The following SNTB1 variants were observed in gnomAD, a reference collection of about 807,000 sequenced individuals.
The protein encoded by SNTB1 is beta-1-syntrophin.
In SNTB1, 36 loss-of-function variants were observed where a neutral mutation model predicts 48.9. The observed-to-expected ratio is 0.74, with a 90% CI of 0.56 to 0.97. SNTB1 has a LOEUF of 0.97. Ranked by LOEUF, SNTB1 falls within the 50% of genes least tolerant of loss-of-function variation. The probability of loss-of-function intolerance (pLI) is 0.00; values close to 1 mark genes in which losing one functional copy is unlikely to be tolerated. For missense variants in SNTB1, 786 were observed against 703.4 expected, an observed-to-expected ratio of 1.12 and a Z score of -1.33; for synonymous variants, 299 against 294.6, an observed-to-expected ratio of 1.01 and a Z score of -0.15.
chr8:120,561,228 G>A (rs1000758998), intron 4 of SNTB1, among the ~76,000 whole-genome samples: 1 of 148,494 alleles, frequency 6.7e-6, no homozygotes, highest in African/African-American at 2.5e-5. Context: ...TTAGGAGGCT[G>A]AGGATCGCTT....
At chr8:120,642,087 A>C (rs1216717354) in intron 2 of SNTB1, among the ~76,000 whole-genome samples, 1 of 152,214 alleles carries the variant, frequency 6.6e-6, no homozygotes, top group African/African-American at 2.4e-5. Flanking sequence ...ATCATCCTCC[A>C]GGAAAATCTG....
At chr8:120,576,533 T>G (rs1815953791) in intron 3 of SNTB1, among the ~76,000 whole-genome samples, 1 of 152,208 alleles carries the variant, frequency 6.6e-6, no homozygotes, top group Admixed American at 6.5e-5. Context: ...GTCCTACATG[T>G]AGGCTGCCTA....
At chr8:120,755,684 GGAACTA>G (rs1322955071) in intron 1 of SNTB1, among the ~76,000 whole-genome samples, 3 of 152,046 alleles carry the variant, frequency 2.0e-5, no homozygotes, top group Non-Finnish European at 4.4e-5. Context: ...AGTGATACCA[GGAACTA>G]TGCCAAATGC....
Position 120,537,496 on chromosome 8 carries a change from A to G in SNTB1, c.*1381T>C, listed in dbSNP as rs1815220219. Reference sequence around the variant, plus strand: ...TGAGTGAGAAAAATTGTGTTCCTTTAACACGGTTTCACTTTTTGAAGCTCT... The same window carrying G: ...TGAGTGAGAAAAATTGTGTTCCTTTGACACGGTTTCACTTTTTGAAGCTCT... On this transcript the variant is annotated 3_prime_UTR_variant, in exon 7 of 7. Coordinates refer to ENST00000517992, the MANE Select transcript of SNTB1 (RefSeq NM_021021.4). 6.6e-6 allele frequency: 1 copy of G among 152,186 alleles called. No homozygotes were observed. The highest frequency in any genetic ancestry group is 1.5e-5 in the Non-Finnish European group (1 of 68,020). The allele number at this position is 152,186 out of a possible 1,614,324, so 9.4% of individuals were successfully genotyped here.
intron 1 of SNTB1, among the ~76,000 whole-genome samples, chr8:120,703,247 C>T (rs1162038178): frequency 6.6e-6 from 1 of 152,214 alleles, no homozygotes; most frequent in Non-Finnish European, 1.5e-5. Flanking sequence ...GCCTCAGTCT[C>T]CTGAGTAGCT....
chr8:120,742,056 G>A (rs1050589347), intron 1 of SNTB1, among the ~76,000 whole-genome samples: 1 of 152,196 alleles, frequency 6.6e-6, no homozygotes, highest in Non-Finnish European at 1.5e-5. Context: ...TTAATCCATA[G>A]GGGATGGGCA....
At chr8:120,648,833 T>C (rs1025133184) in intron 2 of SNTB1, among the ~76,000 whole-genome samples, 2 of 152,254 alleles carry the variant, frequency 1.3e-5, no homozygotes, top group Non-Finnish European at 2.9e-5. Flanking sequence ...TCTTTTCAAA[T>C]AGTCCCATAT....
At chr8:120,553,752 A>C (rs1348008164) in intron 4 of SNTB1, among the ~76,000 whole-genome samples, 1 of 152,240 alleles carries the variant, frequency 6.6e-6, no homozygotes, top group Non-Finnish European at 1.5e-5. Flanking sequence ...TAATCTCAGC[A>C]CTTTGGGAAG....
intron 2 of SNTB1, among the ~76,000 whole-genome samples, chr8:120,652,011 G>A (rs1817418072): frequency 6.6e-6 from 1 of 152,196 alleles, no homozygotes; most frequent in Admixed American, 6.5e-5. Flanking sequence ...GACAAAATTG[G>A]AAGGGAGATT....
intron 1 of SNTB1, among the ~76,000 whole-genome samples, chr8:120,729,857 A>G (rs1346453284): frequency 6.6e-6 from 1 of 152,234 alleles, no homozygotes; most frequent in Non-Finnish European, 1.5e-5. Flanking sequence ...CAGTCTTTCC[A>G]CTAACATATT....
At chr8:120,672,550 TCC>T (rs1308817278) in intron 2 of SNTB1, among the ~76,000 whole-genome samples, 3 of 152,134 alleles carry the variant, frequency 2.0e-5, no homozygotes, top group African/African-American at 7.2e-5. Flanking sequence ...GGCACAGAGC[TCC>T]TGAAAGACAC....
chr8:120,687,980 A>C (rs1344580107), intron 2 of SNTB1, among the ~76,000 whole-genome samples: 5 of 152,230 alleles, frequency 3.3e-5, no homozygotes, highest in African/African-American at 1.2e-4. Flanking sequence ...ACCTTGTAGC[A>C]ACATATCCAG....
chr8:120,707,658 T>C (rs1392850612), intron 1 of SNTB1, among the ~76,000 whole-genome samples: 2 of 152,082 alleles, frequency 1.3e-5, no homozygotes, highest in Non-Finnish European at 2.9e-5. Context: ...AATTTAACAA[T>C]AAAAAGGTAG....
chr8:120,743,899 C>T (rs1012757092), intron 1 of SNTB1, among the ~76,000 whole-genome samples: 2 of 152,184 alleles, frequency 1.3e-5, no homozygotes, highest in Non-Finnish European at 2.9e-5. Flanking sequence ...GAAGACAAGG[C>T]AGGAGGATCG....
At chr8:120,632,367 G>A in intron 3 of SNTB1, 77 bp downstream of exon 3, 1 of 1,290,500 alleles carries the variant, frequency 7.7e-7, no homozygotes, top group South Asian at 1.3e-5. Context: ...CCTATGGGAT[G>A]AGATAGTTTT....
rs570164584 is a variant in SNTB1, at chr8:120,709,070, G to A, written c.572-15162C>T. ...TGCATGAATGAATAAGTGAGAGAGT[G>A]AAAAAATGGAAGGAAGGGAGGAAAG... On this transcript the variant is annotated intron_variant, in intron 1 of 6. Coordinates refer to ENST00000517992, the MANE Select transcript of SNTB1 (RefSeq NM_021021.4). Among the ~76,000 whole-genome samples, 7 of 151,964 alleles carry A rather than the reference G, an allele frequency of 4.6e-5. No individual in the cohort carries two copies. In the East Asian group the frequency reaches 1.4e-3, roughly 29 times the overall value.
intron 2 of SNTB1, among the ~76,000 whole-genome samples, chr8:120,670,569 G>T (rs534400381): frequency 1.3e-5 from 2 of 152,292 alleles, no homozygotes; most frequent in South Asian, 4.1e-4. Flanking sequence ...TGTCACTAAG[G>T]TGTCAAATAA....
intron 3 of SNTB1, among the ~76,000 whole-genome samples, chr8:120,630,306 C>G (rs188020612): frequency 6.6e-6 from 1 of 152,324 alleles, no homozygotes; most frequent in African/African-American, 2.4e-5. Flanking sequence ...ATTTCTCTTC[C>G]AAAGACCACA....
At chr8:120,661,321 A>C (rs889565403) in intron 2 of SNTB1, among the ~76,000 whole-genome samples, 1 of 152,210 alleles carries the variant, frequency 6.6e-6, no homozygotes, top group African/African-American at 2.4e-5. Flanking sequence ...TGAATGACCA[A>C]AGACAATTAA....
Sources: allele counts gnomAD v4.1 joint callset (sites outside exome capture counted in the v4.1 genomes callset), GRCh38; gene constraint gnomAD v4.1.1; transcripts MANE v1.5; gene names NCBI Gene and HGNC (gene_info 2026-07-23, HGNC 2026-07-21).